The following MTUS2 variants were observed in gnomAD, a reference collection of about 807,000 sequenced individuals.
MTUS2 encodes microtubule associated scaffold protein 2, also known as microtubule-associated tumor suppressor candidate 2.
MTUS2 carries 40 observed loss-of-function variants against 114.1 expected under a neutral mutation model. That is an observed-to-expected ratio of 0.35 (90% confidence interval 0.27 to 0.46). The LOEUF (loss-of-function observed/expected upper bound fraction) is 0.46, where lower values mean the gene tolerates loss of function less well. MTUS2 is among the 20% of genes least tolerant of loss of function. The pLI is 1.00. For synonymous variants in MTUS2, 688 were observed against 672.0 expected (o/e 1.02, Z -0.37); for missense variants, 1,679 against 1,705.4 (o/e 0.98, Z 0.27).
intron 5 of MTUS2, among the ~76,000 whole-genome samples, chr13:29,150,314 A>AT (rs1462407955): frequency 6.6e-6 from 1 of 151,616 alleles, no homozygotes; most frequent in African/African-American, 2.4e-5. Flanking sequence ...TTGGTTGAGC[A>AT]TTTTTTCATA....
At chr13:29,203,498 G>A (rs925958314) in intron 5 of MTUS2, among the ~76,000 whole-genome samples, 9 of 147,504 alleles carry the variant, frequency 6.1e-5, no homozygotes, top group Non-Finnish European at 1.3e-4. Flanking sequence ...CCTGGCTTCA[G>A]CCCCCTTTCC....
At chr13:29,323,318 C>G (rs1214372669) in intron 6 of MTUS2, among the ~76,000 whole-genome samples, 6 of 151,272 alleles carry the variant, frequency 4.0e-5, no homozygotes, top group Non-Finnish European at 7.4e-5. Context: ...GGCGTGATCT[C>G]GGCTCACTGC....
rs80015671 is a variant in MTUS2, at chr13:28,971,113, A to G, written c.-242-53344A>G. On this transcript the variant is annotated intron_variant, in intron 2 of 15. Transcript: ENST00000612955. ...ACATTGAAAAATCGTGCCAGAAAGT[A>G]GAGATTGGTGTTGGATTTGGGATTT... Among the ~76,000 whole-genome samples, 732 of 152,340 alleles carry G rather than the reference A, an allele frequency of 4.8e-3. 8 individuals carry two copies. Among genetic ancestry groups the G allele is most frequent in the African/African-American group, 0.017 (702 of 41,582 alleles).
intron 2 of MTUS2, among the ~76,000 whole-genome samples, chr13:28,983,698 C>A (rs568740838): frequency 4.1e-4 from 63 of 152,354 alleles, no homozygotes; most frequent in Admixed American, 2.0e-3. Flanking sequence ...TTGGGTCCCA[C>A]CCCAGGCCCT....
chr13:28,979,678 G>T, intron 2 of MTUS2, among the ~76,000 whole-genome samples: 1 of 152,110 alleles, frequency 6.6e-6, no homozygotes, highest in Admixed American at 6.5e-5. Context: ...GGTCTGAAGT[G>T]ATTCCCAGGT....
At chr13:29,075,473 T>TAGTATTATCTCTG (rs1454878956) in intron 4 of MTUS2, among the ~76,000 whole-genome samples, 1 of 152,364 alleles carries the variant, frequency 6.6e-6, no homozygotes, top group South Asian at 2.1e-4. Flanking sequence ...TCCTTTCAGT[T>TAGTATTATCTCTG]AGTATTATCT....
Position 29,055,017 on chromosome 13 carries a change from G to GT in MTUS2, c.2446+20893dup, listed in dbSNP as rs1347879798. On this transcript the variant is annotated intron_variant, in intron 4 of 15. Coordinates refer to ENST00000612955, the MANE Select transcript of MTUS2 (RefSeq NM_001033602.4). ...CAAGTATGGTCTGTGCTTATGTTTG[G>GT]TATACTGATGGATAAATGTCAATTA... Among the ~76,000 whole-genome samples, 4 of 151,912 alleles carry GT rather than the reference G, an allele frequency of 2.6e-5. No homozygotes were observed. In the East Asian group the frequency reaches 7.7e-4, roughly 29 times the overall value.
At chr13:28,995,928 A>G (rs903013618) in intron 2 of MTUS2, among the ~76,000 whole-genome samples, 4 of 152,124 alleles carry the variant, frequency 2.6e-5, no homozygotes, top group African/African-American at 9.7e-5. Flanking sequence ...AACTTCCAAC[A>G]CTATGTTGAA....
intron 10 of MTUS2, chr13:29,487,555 C>A (rs765466538): frequency 7.6e-5 from 20 of 264,290 alleles, no homozygotes; most frequent in Non-Finnish European, 1.5e-4. Flanking sequence ...GTAGGGAGGA[C>A]GCTTTTCTTT....
Position 29,480,932 on chromosome 13 carries a change from A to C in MTUS2, c.3399+568A>C, listed in dbSNP as rs1158841933. ...TCACAGTTCCCCTAACGAGGAAGGT[A>C]CCATTCTTATTCCCATTTTACACGG... is the stretch of plus-strand genomic sequence containing the variant. On this transcript the variant is annotated intron_variant, in intron 10 of 15. Coordinates refer to ENST00000612955, the MANE Select transcript of MTUS2 (RefSeq NM_001033602.4). The surrounding 1 kb of genome is among the most constrained non-coding windows in gnomAD (Gnocchi z 4.4). 6.6e-6 allele frequency among the ~76,000 whole-genome samples: 1 copy of C among 152,186 alleles called. No homozygotes were observed. Among genetic ancestry groups the C allele is most frequent in the African/African-American group, 2.4e-5 (1 of 41,428 alleles).
intron 4 of MTUS2, among the ~76,000 whole-genome samples, chr13:29,062,311 G>T (rs929306450): frequency 1.3e-5 from 2 of 152,158 alleles, no homozygotes; most frequent in African/African-American, 4.8e-5. Flanking sequence ...AAACATGTTA[G>T]TATGTGGTTG....
intron 7 of MTUS2, among the ~76,000 whole-genome samples, chr13:29,350,240 G>T (rs1198644223): frequency 6.6e-6 from 1 of 151,732 alleles, no homozygotes; most frequent in Non-Finnish European, 1.5e-5. Context: ...CTAATATGAA[G>T]AAATCAGCTA....
chr13:29,249,820 A>T (rs1222100357), intron 5 of MTUS2, among the ~76,000 whole-genome samples: 1 of 152,170 alleles, frequency 6.6e-6, no homozygotes, highest in Non-Finnish European at 1.5e-5. Flanking sequence ...TTGGCTAGCC[A>T]TATGCAGAAA....
chr13:29,256,294 A>G (rs932842299), intron 5 of MTUS2, among the ~76,000 whole-genome samples: 4 of 152,174 alleles, frequency 2.6e-5, no homozygotes, highest in Admixed American at 2.0e-4. Context: ...AGTGACTTGG[A>G]GAGAGGAATC....
intron 2 of MTUS2, among the ~76,000 whole-genome samples, chr13:28,957,639 G>T (rs117865417): frequency 2.4e-3 from 365 of 152,280 alleles, no homozygotes; most frequent in South Asian, 4.1e-3. Context: ...AAATACTATG[G>T]CATTTTATGT....
At position 29,359,283 on chromosome 13, in the gene MTUS2, C is replaced by T. The variant is rs754221837; in HGVS notation, c.2927C>T (p.Ala976Val). 2.7e-5 allele frequency: 43 copies of T among 1,603,024 alleles called. No individual in the cohort carries two copies. In the East Asian group the frequency reaches 6.5e-4, roughly 24 times the overall value. ...ACAGGATACCCAAAGCAGAGGACTG[C>T]GGCAGCTCGAAATGGGTTTCCGCCC... Reference protein sequence around the residue: ...HSPGYPKQRTAAARNGFPPKP... With the variant: ...HSPGYPKQRTVAARNGFPPKP... Residue 976 changes from alanine to valine, a missense_variant, in exon 8 of 16, where the codon GCG becomes GTG. Ala to Val is a moderately conservative substitution (Grantham distance 64, BLOSUM62 0). Transcript: ENST00000612955.
chr13:28,892,991 A>C (rs1447361923), intron 2 of MTUS2, among the ~76,000 whole-genome samples: 1 of 152,162 alleles, frequency 6.6e-6, no homozygotes, highest in African/African-American at 2.4e-5. Flanking sequence ...GTAGGCATTC[A>C]TTGGGGAGAA....
At chr13:29,249,127 A>G (rs567946499) in intron 5 of MTUS2, among the ~76,000 whole-genome samples, 2 of 152,164 alleles carry the variant, frequency 1.3e-5, no homozygotes, top group Non-Finnish European at 2.9e-5. Context: ...AGCTGGGACT[A>G]CAGGCGTGCA....
chr13:29,155,383 G>A (rs1422802968), intron 5 of MTUS2, among the ~76,000 whole-genome samples: 2 of 152,188 alleles, frequency 1.3e-5, no homozygotes, highest in East Asian at 1.9e-4. Context: ...TAGCAAAACA[G>A]AAACATATAA....
Sources: allele counts gnomAD v4.1 joint callset (sites outside exome capture counted in the v4.1 genomes callset), GRCh38; gene constraint gnomAD v4.1.1; non-coding constraint Gnocchi (gnomAD v3.1); transcripts MANE v1.5; gene names NCBI Gene and HGNC (gene_info 2026-07-23, HGNC 2026-07-21).